Variants in ATRX observed in about 807,000 individuals in gnomAD.
ATRX encodes the protein ATRX chromatin remodeler, also known as chromatin remodeler ATRX.
Under a neutral mutation model 172.6 loss-of-function variants are expected in ATRX, and 12 were observed. That is an observed-to-expected ratio of 0.07 (90% CI 0.04 to 0.11). The LOEUF is 0.11. Among genes scored for constraint, ATRX ranks in the 10% least tolerant of loss-of-function variants. The pLI is 1.00. For synonymous variants in ATRX, 674 were observed against 594.7 expected (o/e 1.13, Z -1.94); for missense variants, 1,368 against 1,767.4 (o/e 0.77, Z 4.05).
intron 5 of ATRX, among the ~76,000 whole-genome samples, chrX:77,695,831 G>T: frequency 9.0e-6 from 1 of 111,462 alleles, no homozygotes; most frequent in South Asian, 3.7e-4. Context: ...AATAAGCACT[G>T]CTGTAAAAGA....
intron 1 of ATRX, among the ~76,000 whole-genome samples, chrX:77,769,890 G>A (rs2076099553): frequency 9.2e-6 from 1 of 109,247 alleles, no homozygotes; most frequent in African/African-American, 3.3e-5. Flanking sequence ...GAGCTCAGGG[G>A]TTCCAGACCA....
At chrX:77,759,358 T>TAA (rs200906628) in intron 1 of ATRX, among the ~76,000 whole-genome samples, 6 of 100,078 alleles carry the variant, frequency 6.0e-5, no homozygotes, top group Non-Finnish European at 8.2e-5. Flanking sequence ...ACCAAATTCG[T>TAA]AAAAAAAAAA....
At chrX:77,740,520 C>T (rs782723419) in intron 1 of ATRX, among the ~76,000 whole-genome samples, 1 of 110,712 alleles carries the variant, frequency 9.0e-6, no homozygotes, top group East Asian at 2.8e-4. Flanking sequence ...ATGCTCACAC[C>T]ATTATCTACC....
chrX:77,523,223 A>T, intron 31 of ATRX, 29 bp downstream of exon 31: 1 of 1,208,866 alleles, frequency 8.3e-7, no homozygotes, highest in Non-Finnish European at 1.1e-6. Flanking sequence ...TAACATAACA[A>T]AAACAAAAAC....
chrX:77,637,011 A>G (rs782130889), intron 15 of ATRX, among the ~76,000 whole-genome samples: 3 of 105,857 alleles, frequency 2.8e-5, no homozygotes, highest in Admixed American at 2.0e-4. Flanking sequence ...AAGGAGGAAG[A>G]AGGAGGAGGA....
intron 7 of ATRX, among the ~76,000 whole-genome samples, chrX:77,686,286 G>A (rs782786922): frequency 4.5e-5 from 5 of 111,975 alleles, no homozygotes; most frequent in Non-Finnish European, 7.5e-5. Context: ...TACATTGCAC[G>A]CCAGTATTAA....
In ATRX at chrX:77,683,282, A is replaced by C. The variant is rs1603222314; in HGVS notation, c.1974T>G (p.Arg658=). The C allele has an allele frequency of 8.3e-7, 1 of 1,210,538 alleles. No homozygotes were observed. Among genetic ancestry groups the C allele is most frequent in the Non-Finnish European group, 1.1e-6 (1 of 894,575 alleles). Residue 658 remains arginine (R), a synonymous_variant, in exon 9 of 35, where the codon CGT becomes CGG. Coordinates refer to ENST00000373344, the MANE Select transcript of ATRX (RefSeq NM_000489.6). ...LEESDLRRSP[R]VKTTPLRRPT... ...GTCGCCTCAAGGGTGTAGTCTTTAC[A>C]CGTGGGGATCTTCGAAGATCAGATT...
intron 1 of ATRX, among the ~76,000 whole-genome samples, chrX:77,724,724 C>T (rs2073950188): frequency 8.9e-6 from 1 of 111,900 alleles, no homozygotes; most frequent in African/African-American, 3.2e-5. Flanking sequence ...GAGTTCCCAA[C>T]ATATCATCAG....
chrX:77,766,214 C>A (rs1181162196), intron 1 of ATRX, among the ~76,000 whole-genome samples: 3 of 113,118 alleles, frequency 2.7e-5, no homozygotes, highest in African/African-American at 9.6e-5. Flanking sequence ...GCACACCTCC[C>A]AGACGGGGTG....
intron 1 of ATRX, among the ~76,000 whole-genome samples, chrX:77,747,547 C>A (rs1282645941): frequency 2.7e-5 from 3 of 111,261 alleles, no homozygotes; most frequent in Non-Finnish European, 3.8e-5. Context: ...GGGACTTAAC[C>A]CAAAATCAGA....
intron 13 of ATRX, among the ~76,000 whole-genome samples, chrX:77,655,997 C>T (rs1017831023): frequency 1.8e-5 from 2 of 111,258 alleles, no homozygotes; most frequent in Non-Finnish European, 3.8e-5. Context: ...TTTTAAATTA[C>T]AGGTAATCTA....
At chrX:77,776,341 A>G (rs1025189030) in intron 1 of ATRX, among the ~76,000 whole-genome samples, 1 of 109,355 alleles carries the variant, frequency 9.1e-6, no homozygotes, top group Admixed American at 9.8e-5. Context: ...CAATAAAGAC[A>G]TAAGTGCTTT....
At chrX:77,746,126 T>C (rs373917287) in intron 1 of ATRX, among the ~76,000 whole-genome samples, 6 of 110,984 alleles carry the variant, frequency 5.4e-5, no homozygotes, top group Non-Finnish European at 9.4e-5. Flanking sequence ...CATGGAATGA[T>C]AGATAACAGA....
chrX:77,543,801 C>T (rs1227615139), intron 30 of ATRX, among the ~76,000 whole-genome samples: 3 of 109,113 alleles, frequency 2.7e-5, no homozygotes, highest in Non-Finnish European at 3.8e-5. Context: ...CACACTGGGG[C>T]CTGTTGAGGG....
intron 28 of ATRX, among the ~76,000 whole-genome samples, chrX:77,568,820 T>G (rs2065297179): frequency 9.0e-6 from 1 of 111,690 alleles, no homozygotes. Flanking sequence ...CCAATCTACA[T>G]AGCACACCAT....
chrX:77,510,784 C>A (rs1479642723), intron 34 of ATRX, among the ~76,000 whole-genome samples: 1 of 112,269 alleles, frequency 8.9e-6, no homozygotes. Context: ...TAGAATAGAG[C>A]TCCAGGCAGA....
chrX:77,532,173 T>C (rs1280959023), intron 30 of ATRX, among the ~76,000 whole-genome samples: 2 of 110,791 alleles, frequency 1.8e-5, no homozygotes, highest in African/African-American at 6.6e-5. Flanking sequence ...TGCTCATGGA[T>C]AGGAAGAATC....
intron 30 of ATRX, among the ~76,000 whole-genome samples, chrX:77,548,235 A>C (rs1390729471): frequency 8.9e-6 from 1 of 111,878 alleles, no homozygotes; most frequent in Non-Finnish European, 1.9e-5. Context: ...CGAATAGGAC[A>C]CTTTTGTAAT....
Position 77,626,950 on chromosome X carries a change from G to A in ATRX, c.5134+6257C>T, listed in dbSNP as rs782428103. Among the ~76,000 whole-genome samples the A allele has an allele frequency of 1.2e-4, 13 of 112,252 alleles. No homozygotes were observed. In the East Asian group the frequency reaches 1.7e-3, roughly 14 times the overall value. Reference sequence around the variant, plus strand: ...AGAATTAAGAATAAAAGTAAGCCAGGCGCGGTGGCTCACGCCTGTAATCCC... The same window carrying A: ...AGAATTAAGAATAAAAGTAAGCCAGACGCGGTGGCTCACGCCTGTAATCCC... On this transcript the variant is annotated intron_variant, in intron 19 of 34. Coordinates refer to ENST00000373344, the MANE Select transcript of ATRX (RefSeq NM_000489.6).
Sources: gnomAD v4.1 joint callset for allele counts (sites outside exome capture counted in the v4.1 genomes callset) on GRCh38, gnomAD v4.1.1 for gene constraint, MANE v1.5 for transcripts, NCBI Gene and HGNC (gene_info 2026-07-23, HGNC 2026-07-21) for gene names.